The following SPACA6 variants were observed in gnomAD, a reference collection of about 807,000 sequenced individuals.
SPACA6 encodes the protein sperm acrosome associated 6.
For synonymous variants in SPACA6, 6 were observed against 1.5 expected, an observed-to-expected ratio of 4.05 and a Z score of -2.21; for missense variants, 8 against 2.8, an observed-to-expected ratio of 2.88 and a Z score of -1.34.
At chr19:51,688,877 G>A (rs1166709850), upstream of SPACA6, among the ~76,000 whole-genome samples, 2 of 147,110 alleles carry the variant, frequency 1.4e-5, no homozygotes, top group African/African-American at 5.0e-5. Context: ...AAGAATGACA[G>A]GAGCAGAGAG....
chr19:51,699,060 G>A (rs954267312), intron 2 of SPACA6, among the ~76,000 whole-genome samples: 1 of 152,146 alleles, frequency 6.6e-6, no homozygotes, highest in African/African-American at 2.4e-5. Flanking sequence ...AGGCTGGGTG[G>A]AGGGCAGTGG....
At chr19:51,684,332 G>A (rs1385269354), upstream of SPACA6, among the ~76,000 whole-genome samples, 1 of 152,190 alleles carries the variant, frequency 6.6e-6, no homozygotes, top group African/African-American at 2.4e-5. Context: ...AAACAGCAGA[G>A]CAGCTGAAGG....
intron 2 of SPACA6, among the ~76,000 whole-genome samples, chr19:51,696,035 C>T (rs112025253): frequency 0.023 from 3,461 of 152,190 alleles, 128 homozygotes; most frequent in African/African-American, 0.078. Context: ...GTCCCAGGGA[C>T]GTTTAGGAGG....
intron 3 of SPACA6, among the ~76,000 whole-genome samples, chr19:51,702,201 G>C (rs903873219): frequency 1.3e-5 from 2 of 150,418 alleles, no homozygotes; most frequent in African/African-American, 2.5e-5. Context: ...TTCGATGAAA[G>C]GTTTCGTCTC....
At chr19:51,699,525 T>G (rs1483781410) in intron 2 of SPACA6, among the ~76,000 whole-genome samples, 2 of 152,224 alleles carry the variant, frequency 1.3e-5, no homozygotes, top group South Asian at 2.1e-4. Context: ...ACTGGGTGAC[T>G]CGAACAACAG....
upstream of SPACA6, chr19:51,692,882 C>T (rs780578443): frequency 9.4e-6 from 5 of 533,284 alleles, no homozygotes; most frequent in Non-Finnish European, 1.9e-5. The surrounding 1 kb of genome is among the most constrained non-coding windows in gnomAD (Gnocchi z 5.6). Context: ...CTGCACGGGA[C>T]GGGGCCCGGC....
downstream of SPACA6, among the ~76,000 whole-genome samples, chr19:51,709,219 G>GAA (rs35079110): frequency 5.1e-4 from 65 of 127,000 alleles, 1 homozygote; most frequent in African/African-American, 1.5e-3. Context: ...ACCTGAATCA[G>GAA]AAAAAAAAAA....
downstream of SPACA6, among the ~76,000 whole-genome samples, chr19:51,706,232 T>G (rs2122232117): frequency 6.6e-6 from 1 of 152,214 alleles, no homozygotes; most frequent in East Asian, 1.9e-4. Flanking sequence ...ATCATGATAC[T>G]TCTTGCCCTC....
At chr19:51,699,450 A>T (rs1200243297) in intron 2 of SPACA6, among the ~76,000 whole-genome samples, 1 of 152,160 alleles carries the variant, frequency 6.6e-6, no homozygotes, top group African/African-American at 2.4e-5. Flanking sequence ...ATATATAGGT[A>T]TTTGGAGGCA....
chr19:51,694,028 GATGGAGACTCAGGAGT>G (rs1426379813), intron 1 of SPACA6: 1 of 292,104 alleles, frequency 3.4e-6, no homozygotes, highest in African/African-American at 2.2e-5. Flanking sequence ...GACTCGGAAA[GATGGAGACTCAGGAGT>G]ATGGAGAGTC....
chr19:51,691,037 C>T (rs1299854040), upstream of SPACA6, among the ~76,000 whole-genome samples: 1 of 150,748 alleles, frequency 6.6e-6, no homozygotes, highest in African/African-American at 2.4e-5. Context: ...GTAGACCCGT[C>T]TCCGGCCCCC....
At chr19:51,699,357 T>G (rs2083452718) in intron 2 of SPACA6, among the ~76,000 whole-genome samples, 1 of 152,170 alleles carries the variant, frequency 6.6e-6, no homozygotes, top group South Asian at 2.1e-4. Flanking sequence ...ATCCTATGGC[T>G]ACAACTTGGT....
chr19:51,695,252 C>T (rs1475184958), intron 2 of SPACA6, among the ~76,000 whole-genome samples: 3 of 152,094 alleles, frequency 2.0e-5, no homozygotes, highest in Non-Finnish European at 2.9e-5. Flanking sequence ...TGTGGCTGTG[C>T]GAAGAGACCT....
chr19:51,694,021 T>TTAGA (rs2083402008), intron 1 of SPACA6: 1 of 269,508 alleles, frequency 3.7e-6, no homozygotes, highest in African/African-American at 3.0e-5. Context: ...AGATGGAGAC[T>TTAGA]CGGAAAGATG....
chr19:51,685,203 G>C (rs2083323217), upstream of SPACA6, among the ~76,000 whole-genome samples: 4 of 152,188 alleles, frequency 2.6e-5, no homozygotes, highest in Admixed American at 2.6e-4. Flanking sequence ...GCTGTTCCAA[G>C]AGGTAATAAT....
chr19:51,693,405 G>A lies in SPACA6; in HGVS notation c.-122G>A. ...CCTGACTCCTCATACCCTTCCTCCA[G>A]AGCATGACATTTGACCACCAACTGA... On this transcript the variant is annotated 5_prime_UTR_variant, in exon 1 of 9. Transcript: ENST00000637797. 2 of 662,236 alleles carry A rather than the reference G, an allele frequency of 3.0e-6. No homozygotes were observed. The highest frequency in any genetic ancestry group is 2.9e-6 in the Non-Finnish European group (1 of 345,160). 41.0% of individuals were successfully genotyped at this position (662,236 alleles called of 1,614,324 possible).
At chr19:51,690,710 C>T (rs2083362691), upstream of SPACA6, among the ~76,000 whole-genome samples, 1 of 152,184 alleles carries the variant, frequency 6.6e-6, no homozygotes, top group Non-Finnish European at 1.5e-5. Context: ...GTCCAGTGAC[C>T]TTGAACAAGT....
In SPACA6 at chr19:51,704,043, A is replaced by G; in HGVS notation, c.587A>G (p.Asp196Gly). 2.5e-6 allele frequency: 1 copy of G among 401,028 alleles called. No individual in the cohort carries two copies. The highest frequency in any genetic ancestry group is 4.4e-6 in the Non-Finnish European group (1 of 226,196). The allele number at this position is 401,028 out of a possible 1,614,324, so 24.8% of individuals were successfully genotyped here. ...CGTGTCCCGCAGCTCCGGACTCAGGACTTGTCCTATTTCCGAGATATGCCG... is the reference window on the plus strand; with the variant it reads ...CGTGTCCCGCAGCTCCGGACTCAGGGCTTGTCCTATTTCCGAGATATGCCG... ...KFAGGGLRTQ[D>G]LSYFRDMPRA... is the part of the protein sequence containing the mutation. Residue 196 changes from aspartate to glycine, a missense_variant, in exon 7 of 9, where the codon GAC becomes GGC. Transcript: ENST00000637797.
At position 51,703,755 on chromosome 19, in the gene SPACA6, G is replaced by A. The variant is rs2083489082; in HGVS notation, c.574-275G>A. Among the ~76,000 whole-genome samples, 1 of 152,152 alleles carries A rather than the reference G, an allele frequency of 6.6e-6. No individual in the cohort carries two copies. ...TGAGGCTGCAGTGAGCTATGATCGC[G>A]CCACTGCACTGCAGCCTGGGCGCCA... On this transcript the variant is annotated intron_variant, in intron 6 of 8. Coordinates refer to ENST00000637797, the MANE Select transcript of SPACA6 (RefSeq NM_001316972.2). This position sits in a 1 kb window ranked among gnomAD's most constrained non-coding sequence, Gnocchi z 4.2.
Sources: gnomAD v4.1 joint callset for allele counts (sites outside exome capture counted in the v4.1 genomes callset) on GRCh38, gnomAD v4.1.1 for gene constraint, Gnocchi (gnomAD v3.1) non-coding constraint, MANE v1.5 for transcripts, NCBI Gene and HGNC (gene_info 2026-07-23, HGNC 2026-07-21) for gene names.